The following RIMS2 variants were observed in gnomAD, a reference collection of about 807,000 sequenced individuals.
RIMS2 encodes the protein regulating synaptic membrane exocytosis 2, also known as regulating synaptic membrane exocytosis protein 2.
RIMS2 carries 59 observed loss-of-function variants against 174.4 expected under a neutral mutation model. The observed-to-expected ratio is 0.34, with a 90% confidence interval of 0.27 to 0.42. RIMS2 has a LOEUF of 0.42. Among genes scored for constraint, RIMS2 ranks in the 10% least tolerant of loss-of-function variants. RIMS2 has a pLI of 1.00. For synonymous variants in RIMS2, 606 were observed against 572.5 expected (o/e 1.06, Z -0.84); for missense variants, 1,620 against 1,666.3 (o/e 0.97, Z 0.48).
intron 1 of RIMS2, among the ~76,000 whole-genome samples, chr8:103,578,989 CA>C (rs34203614): frequency 0.63 from 92,500 of 146,906 alleles, 29,067 homozygotes; most frequent in East Asian, 0.86. Context: ...GACTCTGTCT[CA>C]AAAAAAAAAA....
chr8:104,211,899 G>T (rs118181300), intron 19 of RIMS2, among the ~76,000 whole-genome samples: 2,934 of 152,296 alleles, frequency 0.019, 39 homozygotes, highest in Middle Eastern at 0.031. Flanking sequence ...AGGATTAAGA[G>T]AAATGGATAG....
intron 3 of RIMS2, among the ~76,000 whole-genome samples, chr8:103,831,971 T>C (rs1231121741): frequency 6.6e-6 from 1 of 152,232 alleles, no homozygotes; most frequent in African/African-American, 2.4e-5. Flanking sequence ...TAACCCTTAG[T>C]TGAAGGTGCT....
intron 3 of RIMS2, among the ~76,000 whole-genome samples, chr8:103,799,907 G>A (rs1564684004): frequency 1.3e-5 from 2 of 152,060 alleles, no homozygotes; most frequent in African/African-American, 2.4e-5. Context: ...TAAAAAGTCA[G>A]TCATCATTCA....
intron 1 of RIMS2, among the ~76,000 whole-genome samples, chr8:103,676,115 A>C (rs2096806552): frequency 6.6e-6 from 1 of 152,202 alleles, no homozygotes; most frequent in Non-Finnish European, 1.5e-5. Context: ...CCTTAAACAA[A>C]GGTAAGACTT....
At chr8:103,586,279 A>G (rs1169015419) in intron 1 of RIMS2, among the ~76,000 whole-genome samples, 1 of 152,192 alleles carries the variant, frequency 6.6e-6, no homozygotes, top group Non-Finnish European at 1.5e-5. Context: ...ATTTTATCCA[A>G]TAGCTGCAGA....
intron 19 of RIMS2, among the ~76,000 whole-genome samples, chr8:104,072,669 C>G (rs956311555): frequency 4.9e-4 from 75 of 152,134 alleles, no homozygotes; most frequent in African/African-American, 1.7e-3. Context: ...TTTTTAAAAA[C>G]TGTACAGTTC....
At chr8:103,901,705 A>G (rs189204937) in intron 4 of RIMS2, among the ~76,000 whole-genome samples, 1 of 152,258 alleles carries the variant, frequency 6.6e-6, no homozygotes, top group Admixed American at 6.5e-5. Flanking sequence ...GTTTTTAAAG[A>G]AGAATATGTT....
At chr8:104,113,633 C>T (rs1275556506) in intron 19 of RIMS2, among the ~76,000 whole-genome samples, 1 of 151,844 alleles carries the variant, frequency 6.6e-6, no homozygotes, top group Non-Finnish European at 1.5e-5. Flanking sequence ...TCTAGTTATG[C>T]TTTAACCCAC....
intron 3 of RIMS2, among the ~76,000 whole-genome samples, chr8:103,857,801 A>G (rs1456439682): frequency 6.6e-6 from 1 of 152,188 alleles, no homozygotes; most frequent in East Asian, 1.9e-4. Flanking sequence ...TTCTCACTTT[A>G]TTCCTCTACG....
At chr8:103,899,569 G>GTTT (rs2099315201) in intron 4 of RIMS2, among the ~76,000 whole-genome samples, 1 of 149,972 alleles carries the variant, frequency 6.7e-6, no homozygotes, top group Admixed American at 6.6e-5. Flanking sequence ...TTGATGGGGT[G>GTTT]GTTTTTTTCT....
chr8:104,100,957 GATATATTATATAGT>G (rs1275925285), intron 19 of RIMS2, among the ~76,000 whole-genome samples: 68 of 117,188 alleles, frequency 5.8e-4, no homozygotes, highest in African/African-American at 1.6e-3. Context: ...TAGTATATAT[GATATATTATATAGT>G]ATATATGATA....
chr8:104,050,116 T>C (rs1035678266), intron 19 of RIMS2, among the ~76,000 whole-genome samples: 2 of 152,168 alleles, frequency 1.3e-5, no homozygotes, highest in Non-Finnish European at 2.9e-5. Context: ...GGTTATTATA[T>C]GGTATATTAA....
chr8:104,102,907 A>G (rs1022058058), intron 19 of RIMS2, among the ~76,000 whole-genome samples: 6 of 152,200 alleles, frequency 3.9e-5, no homozygotes, highest in Non-Finnish European at 8.8e-5. Context: ...CCATATAACA[A>G]GCTCATTAGG....
intron 1 of RIMS2, among the ~76,000 whole-genome samples, chr8:103,638,849 T>C (rs144173904): frequency 6.6e-6 from 1 of 152,208 alleles, no homozygotes; most frequent in East Asian, 1.9e-4. Context: ...GAAATACTTG[T>C]ATATATAAAC....
At chr8:104,058,500 T>G (rs2096915848) in intron 19 of RIMS2, among the ~76,000 whole-genome samples, 2 of 150,596 alleles carry the variant, frequency 1.3e-5, no homozygotes, top group South Asian at 4.2e-4. Flanking sequence ...TGCAAAAATT[T>G]TCTCCCATGT....
At chr8:104,088,797 A>C (rs752877905) in intron 19 of RIMS2, among the ~76,000 whole-genome samples, 78 of 152,108 alleles carry the variant, frequency 5.1e-4, no homozygotes, top group Non-Finnish European at 8.4e-4. Context: ...TGATTTTAGA[A>C]ATTGTAATTT....
At chr8:103,866,253 T>C (rs939174355) in intron 3 of RIMS2, among the ~76,000 whole-genome samples, 1 of 152,162 alleles carries the variant, frequency 6.6e-6, no homozygotes, top group South Asian at 2.1e-4. Context: ...GTGAGTGATA[T>C]TCTGATTCTA....
chr8:103,863,677 T>C (rs976455115), intron 3 of RIMS2, among the ~76,000 whole-genome samples: 1 of 152,060 alleles, frequency 6.6e-6, no homozygotes, highest in Non-Finnish European at 1.5e-5. Flanking sequence ...CTTAGGAGGT[T>C]ATATATTTCC....
intron 3 of RIMS2, among the ~76,000 whole-genome samples, chr8:103,780,151 C>T (rs2098371720): frequency 6.6e-6 from 1 of 152,050 alleles, no homozygotes; most frequent in Non-Finnish European, 1.5e-5. Flanking sequence ...TTGCTTCTTT[C>T]TTCTAGCTGC....
Sources: gnomAD v4.1 joint callset for allele counts (sites outside exome capture counted in the v4.1 genomes callset) on GRCh38, gnomAD v4.1.1 for gene constraint, MANE v1.5 for transcripts, NCBI Gene and HGNC (gene_info 2026-07-23, HGNC 2026-07-21) for gene names.